The following SOX6 variants were observed in gnomAD, a reference collection of about 807,000 sequenced individuals.
SOX6 encodes the protein SRY-box transcription factor 6.
A neutral mutation model predicts 97.8 loss-of-function variants in SOX6; 11 were observed. The ratio of observed to expected loss-of-function variants is 0.11; its 90% CI spans 0.07 to 0.19. The LOEUF is 0.19. Among genes scored for constraint, SOX6 ranks in the 10% least tolerant of loss-of-function variants. The probability of loss-of-function intolerance (pLI) is 1.00; values close to 1 mark genes in which losing one functional copy is unlikely to be tolerated. For synonymous variants in SOX6, 360 were observed against 371.4 expected, an observed-to-expected ratio of 0.97 and a Z score of 0.35; for missense variants, 810 against 1,039.5, an observed-to-expected ratio of 0.78 and a Z score of 3.04.
In SOX6 at chr11:16,134,888, G is replaced by A. The variant is rs141919753; in HGVS notation, c.778-22965C>T. Among the ~76,000 whole-genome samples the A allele has an allele frequency of 1.0e-3, 155 of 152,238 alleles. 1 individual carries two copies. In the East Asian group the frequency reaches 0.018, roughly 18 times the overall value. ...AGTGAAAGGAAGAGTCACACATCTA[G>A]AACTTTCACCACTAGAGAGAAGAAG... On this transcript the variant is annotated intron_variant, in intron 6 of 15. Transcript: ENST00000683767.
At chr11:16,717,617 A>G (rs1051690272) in intron 2 of SOX6, among the ~76,000 whole-genome samples, 11 of 152,130 alleles carry the variant, frequency 7.2e-5, no homozygotes, top group African/African-American at 2.4e-4. Flanking sequence ...ATGAAAACAG[A>G]TATAGAACAT....
At chr11:16,093,847 A>T (rs1453243831) in intron 9 of SOX6, among the ~76,000 whole-genome samples, 3 of 151,952 alleles carry the variant, frequency 2.0e-5, no homozygotes, top group Non-Finnish European at 4.4e-5. Flanking sequence ...CTCAAGATTT[A>T]AAACGTTACT....
At chr11:16,068,333 C>T (rs1224694273) in intron 9 of SOX6, among the ~76,000 whole-genome samples, 1 of 152,062 alleles carries the variant, frequency 6.6e-6, no homozygotes, top group Non-Finnish European at 1.5e-5. Context: ...ATTAAGCAGC[C>T]TAATTTTGTG....
At chr11:16,339,876 AC>A (rs1286233495) in intron 2 of SOX6, among the ~76,000 whole-genome samples, 2 of 152,214 alleles carry the variant, frequency 1.3e-5, no homozygotes, top group East Asian at 3.9e-4. Context: ...AATCAGAAAA[AC>A]AGACTTGCTT....
chr11:16,009,510 G>A (rs1337346224), intron 13 of SOX6, among the ~76,000 whole-genome samples: 1 of 152,102 alleles, frequency 6.6e-6, no homozygotes, highest in Non-Finnish European at 1.5e-5. Context: ...GAACCAATGA[G>A]TAGAAGTTAC....
chr11:16,578,145 T>C (rs1848000215), intron 4 of SOX6, among the ~76,000 whole-genome samples: 2 of 152,166 alleles, frequency 1.3e-5, no homozygotes, highest in Admixed American at 1.3e-4. Context: ...GATACCTAGT[T>C]GTCTTGGCAC....
At chr11:16,053,842 G>A (rs1402429767) in intron 10 of SOX6, among the ~76,000 whole-genome samples, 1 of 151,956 alleles carries the variant, frequency 6.6e-6, no homozygotes, top group Admixed American at 6.6e-5. Flanking sequence ...AGAGATTTTG[G>A]TAACCACAGT....
chr11:16,242,772 T>C (rs1158887782), intron 3 of SOX6, among the ~76,000 whole-genome samples: 1 of 152,014 alleles, frequency 6.6e-6, no homozygotes, highest in Non-Finnish European at 1.5e-5. Flanking sequence ...AAAATGTTTT[T>C]ACTGATAAAA....
intron 1 of SOX6, among the ~76,000 whole-genome samples, chr11:16,407,325 T>C (rs1254517140): frequency 1.3e-5 from 2 of 152,118 alleles, no homozygotes; most frequent in African/African-American, 4.8e-5. Context: ...CTCCAAGAGC[T>C]TTGTCTGCGA....
intron 3 of SOX6, among the ~76,000 whole-genome samples, chr11:16,270,796 C>G (rs1283582593): frequency 6.6e-6 from 1 of 151,226 alleles, no homozygotes; most frequent in Non-Finnish European, 1.5e-5. Flanking sequence ...TATAATTCTA[C>G]CTAGTCATAT....
chr11:16,239,315 CT>C (rs944229159), intron 3 of SOX6, among the ~76,000 whole-genome samples: 10 of 151,942 alleles, frequency 6.6e-5, no homozygotes, highest in African/African-American at 2.2e-4. Context: ...CTCTCTCCCC[CT>C]CTCCCTCTCT....
chr11:16,536,997 C>T (rs999017381), intron 4 of SOX6, among the ~76,000 whole-genome samples: 2 of 152,212 alleles, frequency 1.3e-5, no homozygotes, highest in African/African-American at 4.8e-5. Flanking sequence ...CTGACTGCTT[C>T]CTCAAGTGAG....
At position 16,610,066 on chromosome 11, in the gene SOX6, G is replaced by A. The variant is rs1848379212; in HGVS notation, n.609+2015C>T. Among the ~76,000 whole-genome samples the A allele has an allele frequency of 6.6e-6, 1 of 152,184 alleles. No homozygotes were observed. The highest frequency in any genetic ancestry group is 1.5e-5 in the Non-Finnish European group (1 of 68,038). On this transcript the variant is annotated intron_variant and non_coding_transcript_variant, in intron 4 of 5. Coordinates refer to the SOX6 transcript ENST00000524520. This position sits in a 1 kb window ranked among gnomAD's most constrained non-coding sequence, Gnocchi z 4.4. Reference sequence around the variant, plus strand: ...GCCCAAGGGGCAAGCTCAGACTGGTGTTTCTAGCCCAGACAGGAGTCAGAT... The same window carrying A: ...GCCCAAGGGGCAAGCTCAGACTGGTATTTCTAGCCCAGACAGGAGTCAGAT...
intron 1 of SOX6, among the ~76,000 whole-genome samples, chr11:16,435,920 G>A (rs977391386): frequency 3.3e-5 from 5 of 151,824 alleles, no homozygotes; most frequent in African/African-American, 1.2e-4. Flanking sequence ...TCCATTAAGG[G>A]ATTGCCCCAG....
At chr11:16,172,927 A>G (rs183298511) in intron 6 of SOX6, among the ~76,000 whole-genome samples, 1 of 152,024 alleles carries the variant, frequency 6.6e-6, no homozygotes, top group Non-Finnish European at 1.5e-5. Flanking sequence ...GGGGCTGCAG[A>G]CTTTACATAA....
Position 16,186,800 on chromosome 11 carries a change from G to A in SOX6, c.691C>T (p.Arg231Cys), listed in dbSNP as rs1425458990. The A allele has an allele frequency of 2.5e-6, 4 of 1,613,160 alleles. No homozygotes were observed. Among genetic ancestry groups the A allele is most frequent in the Non-Finnish European group, 2.5e-6 (3 of 1,179,802 alleles). Residue 231 changes from arginine to cysteine, a missense_variant, in exon 5 of 16, where the codon CGC becomes TGC. This residue lies in a region of SOX6 where 110 missense variants were observed against 119.0 expected (regional missense o/e 0.92). Coordinates refer to ENST00000683767, the MANE Select transcript of SOX6 (RefSeq NM_001367873.1). Reference protein sequence around the residue: ...EKQRQQMDLARQQQEQIARQQ... With the variant: ...EKQRQQMDLACQQQEQIARQQ... ...GGGCTCACCTGTTCTTGCTGTTGGCGAGCAAGGTCCATTTGCTGCCGTTGT... is the reference window on the plus strand; with the variant it reads ...GGGCTCACCTGTTCTTGCTGTTGGCAAGCAAGGTCCATTTGCTGCCGTTGT...
At chr11:16,715,622 CA>C (rs1218646713) in intron 2 of SOX6, among the ~76,000 whole-genome samples, 1 of 150,898 alleles carries the variant, frequency 6.6e-6, no homozygotes, top group Non-Finnish European at 1.5e-5. Context: ...GGAACAGAAA[CA>C]TTGTAGGAAT....
In SOX6 at chr11:16,379,245, T is replaced by C. The variant is rs960911971; in HGVS notation, c.-4-37993A>G. Reference sequence around the variant, plus strand: ...ACTTTGGGAGGCTGAGACGGGTGGATTGCCTGAGGCTGGAAGTTGGAGACC... The same window carrying C: ...ACTTTGGGAGGCTGAGACGGGTGGACTGCCTGAGGCTGGAAGTTGGAGACC... On this transcript the variant is annotated intron_variant, in intron 1 of 15. Transcript: ENST00000396356. 2.6e-5 allele frequency among the ~76,000 whole-genome samples: 4 copies of C among 152,220 alleles called. No homozygotes were observed. In the East Asian group the frequency reaches 7.7e-4, roughly 29 times the overall value.
chr11:16,717,012 G>A (rs1350248920), intron 2 of SOX6, among the ~76,000 whole-genome samples: 1 of 152,028 alleles, frequency 6.6e-6, no homozygotes, highest in African/African-American at 2.4e-5. Context: ...AGCTATATAT[G>A]CTTATGATTT....
Sources: allele counts gnomAD v4.1 joint callset (sites outside exome capture counted in the v4.1 genomes callset), GRCh38; gene constraint gnomAD v4.1.1; regional missense constraint gnomAD v4.1.1; non-coding constraint Gnocchi (gnomAD v3.1); transcripts MANE v1.5; gene names NCBI Gene and HGNC (gene_info 2026-07-23, HGNC 2026-07-21).